Variants in JPH3 observed in about 807,000 individuals in gnomAD.
The protein encoded by JPH3 is junctophilin 3.
In JPH3, 11 loss-of-function variants were observed where a neutral mutation model predicts 59.6. The observed-to-expected ratio is 0.18, with a 90% confidence interval of 0.12 to 0.31. The LOEUF (loss-of-function observed/expected upper bound fraction) is 0.31, where lower values mean the gene tolerates loss of function less well. Among genes scored for constraint, JPH3 ranks in the 10% least tolerant of loss-of-function variants. The pLI is 1.00. For synonymous variants in JPH3, 673 were observed against 483.6 expected, an observed-to-expected ratio of 1.39 and a Z score of -5.14; for missense variants, 1,202 against 1,105.7, an observed-to-expected ratio of 1.09 and a Z score of -1.24.
chr16:87,687,952 T>C (rs1369147378), intron 3 of JPH3, among the ~76,000 whole-genome samples: 1 of 152,030 alleles, frequency 6.6e-6, no homozygotes, highest in East Asian at 1.9e-4. Context: ...GGAGGTACGA[T>C]GTGGGTGATC....
intron 2 of JPH3, among the ~76,000 whole-genome samples, chr16:87,648,805 C>CT (rs977207227): frequency 6.6e-6 from 1 of 152,150 alleles, no homozygotes; most frequent in African/African-American, 2.4e-5. Context: ...CTCCAGGTGC[C>CT]TGGAGGGCTT....
At position 87,603,991 on chromosome 16, in the gene JPH3, C is replaced by T. The variant is rs114915391; in HGVS notation, c.382+463C>T. 4.3e-3 allele frequency: 3,429 copies of T among 789,396 alleles called. 99 individuals carry two copies. In the African/African-American group the frequency reaches 0.06, roughly 14 times the overall value. 48.9% of individuals were successfully genotyped at this position (789,396 alleles called of 1,614,324 possible). On this transcript the variant is annotated intron_variant, in intron 1 of 4. Transcript: ENST00000284262. ...TGCGGCGCCCGAGGGCCTTCCTCAG[C>T]CCCGAATCTGCCCAAGCCGAGAGAA... is the stretch of plus-strand genomic sequence containing the variant.
In JPH3 at chr16:87,678,033, C is replaced by G. The variant is rs139700623; in HGVS notation, c.1161-6109C>G. On this transcript the variant is annotated intron_variant, in intron 2 of 4. Transcript: ENST00000284262. ...TTTGGGAGGCCAAGGTGGAGGAATGCTTGAGGCCATGAGTTCGGAATCAGC... is the reference window on the plus strand; with the variant it reads ...TTTGGGAGGCCAAGGTGGAGGAATGGTTGAGGCCATGAGTTCGGAATCAGC... Among the ~76,000 whole-genome samples, 761 of 151,708 alleles carry G rather than the reference C, an allele frequency of 5.0e-3. 6 individuals are homozygous for G. The highest frequency in any genetic ancestry group is 0.017 in the African/African-American group (715 of 41,336).
chr16:87,677,422 T>C (rs915965643), intron 2 of JPH3, among the ~76,000 whole-genome samples: 2 of 151,872 alleles, frequency 1.3e-5, no homozygotes, highest in African/African-American at 4.8e-5. Context: ...ATAAAGCTGC[T>C]AAAAAAAACT....
chr16:87,644,435 G>A lies in JPH3; in HGVS notation c.560G>A (p.Gly187Asp). 1.2e-6 allele frequency: 2 copies of A among 1,612,082 alleles called. No homozygotes were observed. The highest frequency in any genetic ancestry group is 1.7e-6 in the Non-Finnish European group (2 of 1,179,382). The change falls in exon 2 of 5, where the codon GGC becomes GAC. Residue 187 changes from glycine to aspartate, a missense_variant. Gly to Asp is a moderately conservative substitution (Grantham distance 94). Transcript: ENST00000284262. ...CCCGACGCCTCTCCGGCGGTGGCCGGCAGCCCGGCCGTGTCCCGCGGGGGC... is the reference window on the plus strand; with the variant it reads ...CCCGACGCCTCTCCGGCGGTGGCCGACAGCCCGGCCGTGTCCCGCGGGGGC... ...LHPDASPAVA[G>D]SPAVSRGGFV...
chr16:87,618,409 C>G (rs1261078180), intron 1 of JPH3, among the ~76,000 whole-genome samples: 2 of 152,202 alleles, frequency 1.3e-5, no homozygotes, highest in Non-Finnish European at 2.9e-5. Flanking sequence ...TGGCCTGTGC[C>G]TGGCCTTGTG....
At chr16:87,663,895 C>T (rs1414180461) in intron 2 of JPH3, among the ~76,000 whole-genome samples, 1 of 152,138 alleles carries the variant, frequency 6.6e-6, no homozygotes, top group Non-Finnish European at 1.5e-5. Flanking sequence ...CCAACAAGCC[C>T]TGTGGTTTTG....
At chr16:87,656,272 C>G (rs754518172) in intron 2 of JPH3, among the ~76,000 whole-genome samples, 6 of 152,246 alleles carry the variant, frequency 3.9e-5, no homozygotes, top group Non-Finnish European at 7.3e-5. Context: ...GCTGGAGTCA[C>G]TCCAGAAGCC....
intron 1 of JPH3, among the ~76,000 whole-genome samples, chr16:87,627,746 T>C (rs112052669): frequency 0.045 from 6,803 of 152,280 alleles, 551 homozygotes; most frequent in African/African-American, 0.15. Flanking sequence ...GCTAGGAAGC[T>C]AACAGCCAGG....
intron 1 of JPH3, among the ~76,000 whole-genome samples, chr16:87,639,924 C>T (rs1004137012): frequency 6.6e-6 from 1 of 152,244 alleles, no homozygotes; most frequent in Non-Finnish European, 1.5e-5. Context: ...CTTTTCAGCT[C>T]TTGTTCCCAT....
intron 1 of JPH3, among the ~76,000 whole-genome samples, chr16:87,636,734 C>G (rs1295790020): frequency 6.6e-6 from 1 of 152,232 alleles, no homozygotes; most frequent in Non-Finnish European, 1.5e-5. Context: ...CGTGCAGTTG[C>G]AAACACGGGG....
intron 2 of JPH3, among the ~76,000 whole-genome samples, chr16:87,667,374 G>C (rs1355263983): frequency 6.6e-6 from 1 of 152,244 alleles, no homozygotes; most frequent in Admixed American, 6.5e-5. Context: ...TCAGCTGACT[G>C]TCTTTGCCAA....
intron 1 of JPH3, among the ~76,000 whole-genome samples, chr16:87,615,872 G>A (rs1314854633): frequency 1.3e-5 from 2 of 152,228 alleles, no homozygotes; most frequent in Non-Finnish European, 2.9e-5. Context: ...CACAGCACCC[G>A]ACAGCAGAGG....
At chr16:87,680,787 G>A (rs946559721) in intron 2 of JPH3, among the ~76,000 whole-genome samples, 2 of 152,226 alleles carry the variant, frequency 1.3e-5, no homozygotes, top group Admixed American at 6.5e-5. Context: ...CCTCCATGAC[G>A]TGCTTGTCTG....
chr16:87,638,453 G>A (rs557400696), intron 1 of JPH3, among the ~76,000 whole-genome samples: 3 of 152,282 alleles, frequency 2.0e-5, no homozygotes, highest in African/African-American at 7.2e-5. Context: ...ACACAGGAGC[G>A]ACCACCATGA....
chr16:87,652,627 A>G (rs945231225), intron 2 of JPH3, among the ~76,000 whole-genome samples: 1 of 152,140 alleles, frequency 6.6e-6, no homozygotes, highest in Non-Finnish European at 1.5e-5. Context: ...CTGGGCTAGG[A>G]TGGCCTGGCT....
chr16:87,694,921 C>G (rs769887731), intron 4 of JPH3: 2 of 233,062 alleles, frequency 8.6e-6, no homozygotes, highest in Non-Finnish European at 1.7e-5. Context: ...GGTTGCACGG[C>G]CCATGTCTTC....
At chr16:87,606,968 G>T (rs948203154) in intron 1 of JPH3, among the ~76,000 whole-genome samples, 10 of 152,164 alleles carry the variant, frequency 6.6e-5, no homozygotes, top group South Asian at 4.1e-4. Context: ...GCTCCCAGTG[G>T]GTGTGGGTTG....
chr16:87,695,004 C>T (rs746937143), intron 4 of JPH3: 14 of 306,232 alleles, frequency 4.6e-5, no homozygotes, highest in Middle Eastern at 1.2e-3. Flanking sequence ...ATCCTGCTGC[C>T]GGGAGTGTGT....
Sources: allele counts gnomAD v4.1 joint callset (sites outside exome capture counted in the v4.1 genomes callset), GRCh38; gene constraint gnomAD v4.1.1; transcripts MANE v1.5; gene names NCBI Gene and HGNC (gene_info 2026-07-23, HGNC 2026-07-21).